Variants in RTN4 observed in about 807,000 individuals in gnomAD.
The protein encoded by RTN4 is reticulon 4.
RTN4 carries 32 observed loss-of-function variants against 90.4 expected under a neutral mutation model. The ratio of observed to expected loss-of-function variants is 0.35; its 90% CI spans 0.27 to 0.48. The LOEUF (loss-of-function observed/expected upper bound fraction) is 0.48, where lower values mean the gene tolerates loss of function less well. Among genes scored for constraint, RTN4 ranks in the 20% least tolerant of loss-of-function variants. The probability of loss-of-function intolerance (pLI) is 0.99; values close to 1 mark genes in which losing one functional copy is unlikely to be tolerated. For synonymous variants in RTN4, 629 were observed against 552.5 expected (o/e 1.14, Z -1.94); for missense variants, 1,706 against 1,430.2 (o/e 1.19, Z -3.11).
intron 3 of RTN4, among the ~76,000 whole-genome samples, chr2:55,003,738 G>T (rs1680008883): frequency 6.6e-6 from 1 of 152,112 alleles, no homozygotes; most frequent in Non-Finnish European, 1.5e-5. Flanking sequence ...CTGTAACTAA[G>T]CAAGTACAGA....
At position 55,049,563 on chromosome 2, in the gene RTN4, C is replaced by A. The variant is rs750705424; in HGVS notation, c.556+182G>T. ...GACGGACAATAAGAACAAACCCGGG[C>A]TCCAAGGGCCGCCCCACCCTTCTCC... On this transcript the variant is annotated intron_variant, in intron 1 of 8. Coordinates refer to ENST00000337526, the MANE Select transcript of RTN4 (RefSeq NM_020532.5). 29 of 986,424 alleles carry A rather than the reference C, an allele frequency of 2.9e-5. No homozygotes were observed. In the Middle Eastern group the frequency reaches 6.1e-4, roughly 21 times the overall value. The allele number at this position is 986,424 out of a possible 1,614,324, so 61.1% of individuals were successfully genotyped here.
At chr2:55,097,768 G>T (rs546868142) in intron 1 of RTN4, among the ~76,000 whole-genome samples, 2 of 152,048 alleles carry the variant, frequency 1.3e-5, no homozygotes, top group African/African-American at 4.8e-5. Flanking sequence ...ATAATGAAGA[G>T]CTGACACTTG....
chr2:55,079,524 A>T (rs992562328), intron 2 of RTN4, among the ~76,000 whole-genome samples: 3 of 152,370 alleles, frequency 2.0e-5, no homozygotes, highest in African/African-American at 7.2e-5. Flanking sequence ...GCTTATGGTC[A>T]GCAAGAATAC....
At chr2:55,048,022 G>A (rs767123102) in intron 1 of RTN4, among the ~76,000 whole-genome samples, 1 of 152,198 alleles carries the variant, frequency 6.6e-6, no homozygotes, top group Non-Finnish European at 1.5e-5. Flanking sequence ...CTAGATGGTA[G>A]AGCCTACTAC....
In RTN4 at chr2:55,064,349, C is replaced by CTT. The variant is rs70947003; in HGVS notation, c.-63+16138_-63+16139dup. On this transcript the variant is annotated intron_variant, in intron 2 of 3. Coordinates refer to the RTN4 transcript ENST00000427710. ...TATTTAAAATGATAACACAAACATT[C>CTT]TTTTTTTTTTTTTTTTTGAGACAGA... Among the ~76,000 whole-genome samples the CTT allele has an allele frequency of 3.1e-3, 409 of 133,386 alleles. 11 individuals carry two copies. Among genetic ancestry groups the CTT allele is most frequent in the Middle Eastern group, 0.025 (6 of 242 alleles). The allele number at this position is 133,386 out of a possible 152,430, so 87.5% of individuals were successfully genotyped here.
chr2:55,044,395 G>GAAAC lies in RTN4; in HGVS notation c.556+5346_556+5349dup, dbSNP rs745585359. On this transcript the variant is annotated intron_variant, in intron 1 of 8. Transcript: ENST00000337526. ...GACAGAGTAAGACTCTGTCTCAAAA[G>GAAAC]AAACAAACAAACAAACAAACAAACA... 3.9e-4 allele frequency among the ~76,000 whole-genome samples: 59 copies of GAAAC among 151,424 alleles called. 1 individual carries two copies. The highest frequency in any genetic ancestry group is 3.4e-3 in the Middle Eastern group (1 of 294).
intron 2 of RTN4, among the ~76,000 whole-genome samples, chr2:55,074,977 A>G (rs1163097650): frequency 6.6e-6 from 1 of 152,226 alleles, no homozygotes; most frequent in Admixed American, 6.5e-5. Flanking sequence ...CATTATACCA[A>G]CTGGGGAAAA....
chr2:55,000,670 T>C (rs1402563042), intron 3 of RTN4, among the ~76,000 whole-genome samples: 1 of 152,206 alleles, frequency 6.6e-6, no homozygotes, highest in Non-Finnish European at 1.5e-5. Context: ...AACATATTGT[T>C]AAATAAATTG....
chr2:55,113,672 C>G (rs1303647175), upstream of RTN4, among the ~76,000 whole-genome samples: 2 of 152,176 alleles, frequency 1.3e-5, no homozygotes, highest in Non-Finnish European at 2.9e-5. Flanking sequence ...CCTGGTTTCA[C>G]AACCCACATC....
upstream of RTN4, among the ~76,000 whole-genome samples, chr2:55,115,873 C>G (rs1473630647): frequency 6.6e-6 from 1 of 152,130 alleles, no homozygotes; most frequent in Non-Finnish European, 1.5e-5. Flanking sequence ...CCTCTTATGA[C>G]CATTTTTTAA....
In RTN4 at chr2:55,023,996, C is replaced by G. The variant is rs1468761295; in HGVS notation, c.3013+1090G>C. 2.0e-5 allele frequency among the ~76,000 whole-genome samples: 3 copies of G among 152,146 alleles called. No individual in the cohort carries two copies. In the East Asian group the frequency reaches 5.8e-4, roughly 29 times the overall value. ...CATGACAGACACATACAGCCAAGATCTCTCTCAAGAGCTTCATGTGTATAA... is the reference window on the plus strand; with the variant it reads ...CATGACAGACACATACAGCCAAGATGTCTCTCAAGAGCTTCATGTGTATAA... On this transcript the variant is annotated intron_variant, in intron 3 of 8. Transcript: ENST00000337526.
At chr2:55,093,950 A>G (rs1668987444) in intron 1 of RTN4, among the ~76,000 whole-genome samples, 1 of 152,228 alleles carries the variant, frequency 6.6e-6, no homozygotes, top group Non-Finnish European at 1.5e-5. Flanking sequence ...TGAGAGGGAC[A>G]TGGAAATAGC....
chr2:55,083,762 A>T (rs1228265177), intron 1 of RTN4, among the ~76,000 whole-genome samples: 2 of 152,212 alleles, frequency 1.3e-5, no homozygotes, highest in African/African-American at 4.8e-5. Context: ...TACTTTAAAA[A>T]TTTCCTCTCA....
intron 1 of RTN4, among the ~76,000 whole-genome samples, chr2:55,097,313 A>T (rs1182839427): frequency 6.6e-6 from 1 of 151,692 alleles, no homozygotes; most frequent in Non-Finnish European, 1.5e-5. Context: ...AAAAAAAAAA[A>T]AAAAAATTCC....
upstream of RTN4, chr2:55,050,620 A>C: frequency 8.6e-6 from 2 of 232,212 alleles, no homozygotes; most frequent in East Asian, 8.3e-5. The surrounding 1 kb of genome is among the most constrained non-coding windows in gnomAD (Gnocchi z 4.6). Context: ...GAGAGAGCCA[A>C]TCGGCTACAG....
chr2:54,999,923 A>G (rs1573343530), intron 3 of RTN4, among the ~76,000 whole-genome samples: 1 of 152,150 alleles, frequency 6.6e-6, no homozygotes, highest in Non-Finnish European at 1.5e-5. Flanking sequence ...CTTAAGTCCT[A>G]TTTCTTTTGA....
At chr2:55,112,185 G>C (rs962021687) in intron 1 of RTN4, among the ~76,000 whole-genome samples, 5 of 152,222 alleles carry the variant, frequency 3.3e-5, no homozygotes, top group Non-Finnish European at 7.3e-5. Context: ...CCTGCACTGG[G>C]CTGAGATGAT....
At position 55,026,780 on chromosome 2, in the gene RTN4, C is replaced by T. The variant is rs79528680; in HGVS notation, c.1319G>A (p.Ser440Asn). 839 of 1,613,918 alleles carry T rather than the reference C, an allele frequency of 5.2e-4. 6 individuals carry two copies. The African/African-American group carries it at 0.011, about 20-fold the overall frequency. The change falls in exon 3 of 9, where the codon AGT becomes AAT. Residue 440 changes from serine to asparagine, a missense_variant. Physicochemically the swap from Ser to Asn is conservative, Grantham distance 46. Transcript: ENST00000337526. ...GGGGAAAGAAGTATCATCATTACTA[C>T]TCTCACTATCTTTTTCGTGATTAGT... ...EQTNHEKDSESSNDDTSFPST... is the reference protein window; with the variant it reads ...EQTNHEKDSENSNDDTSFPST...
chr2:55,044,552 T>C (rs955353874), intron 1 of RTN4, among the ~76,000 whole-genome samples: 7 of 152,152 alleles, frequency 4.6e-5, no homozygotes. Flanking sequence ...TTTTGGTTTT[T>C]AGATTTTTAA....
Sources: gnomAD v4.1 joint callset for allele counts (sites outside exome capture counted in the v4.1 genomes callset) on GRCh38, gnomAD v4.1.1 for gene constraint, Gnocchi (gnomAD v3.1) non-coding constraint, MANE v1.5 for transcripts, NCBI Gene and HGNC (gene_info 2026-07-23, HGNC 2026-07-21) for gene names.